The following ARGLU1 variants were observed in gnomAD, a reference collection of about 807,000 sequenced individuals.
ARGLU1 encodes the protein arginine and glutamate-rich protein 1.
Under a neutral mutation model 37.6 loss-of-function variants are expected in ARGLU1, and 9 were observed. That is an observed-to-expected ratio of 0.24 (90% CI 0.14 to 0.42). The LOEUF (loss-of-function observed/expected upper bound fraction) is 0.42, where lower values mean the gene tolerates loss of function less well. Among genes scored for constraint, ARGLU1 ranks in the 10% least tolerant of loss-of-function variants. The probability of loss-of-function intolerance (pLI) is 1.00; values close to 1 mark genes in which losing one functional copy is unlikely to be tolerated. For synonymous variants in ARGLU1, 166 were observed against 138.5 expected, an observed-to-expected ratio of 1.20 and a Z score of -1.39; for missense variants, 211 against 359.2, an observed-to-expected ratio of 0.59 and a Z score of 3.34.
intron 3 of ARGLU1, among the ~76,000 whole-genome samples, chr13:106,548,849 T>C (rs747525366): frequency 1.3e-5 from 2 of 152,136 alleles, no homozygotes; most frequent in Non-Finnish European, 2.9e-5. Flanking sequence ...CCCGGGTTCA[T>C]GCGATTCTCC....
Position 106,567,639 on chromosome 13 carries a change from C to A in ARGLU1, c.281G>T (p.Ser94Ile), listed in dbSNP as rs1464552464. The A allele has an allele frequency of 4.3e-6, 7 of 1,613,528 alleles. No individual in the cohort carries two copies. The African/African-American group carries it at 5.3e-5, about 12-fold the overall frequency. Reference sequence around the variant, plus strand: ...CTCTCGCTTCTGCTTCTCGTCCAGGCTGCTGCGCTTGCTCACCGTGCGCCC... The same window carrying A: ...CTCTCGCTTCTGCTTCTCGTCCAGGATGCTGCGCTTGCTCACCGTGCGCCC... The part of the protein sequence containing the change: ...IFGRTVSKRS[S>I]LDEKQKREEE... The change falls in exon 1 of 4, where the codon AGC becomes ATC. Residue 94 changes from serine (S) to isoleucine (I), a missense_variant. Around this residue, in one of 3 missense-constraint regions of ARGLU1, gnomAD observed 130 missense variants for 179.8 expected, o/e 0.72. Coordinates refer to ENST00000400198, the MANE Select transcript of ARGLU1 (RefSeq NM_018011.4). The surrounding 1 kb of genome is among the most constrained non-coding windows in gnomAD (Gnocchi z 4.3).
rs146743524 is a variant in ARGLU1 at position 106,543,158 on chromosome 13, T to G, written c.*838A>C. ...AGCATAAAGTTGATATTTGTAAAAA[T>G]AGCCATTAAATACTAATTCACAAGT... On this transcript the variant is annotated 3_prime_UTR_variant, in exon 4 of 4. Transcript: ENST00000400198. 6 of 152,476 alleles carry G rather than the reference T, an allele frequency of 3.9e-5. No individual in the cohort carries two copies. The East Asian group carries it at 1.2e-3, about 29-fold the overall frequency. 9.4% of individuals were successfully genotyped at this position (152,476 alleles called of 1,614,324 possible).
At chr13:106,560,617 TTTC>T (rs1319454315) in intron 1 of ARGLU1, among the ~76,000 whole-genome samples, 2 of 152,228 alleles carry the variant, frequency 1.3e-5, no homozygotes, top group East Asian at 3.8e-4. Flanking sequence ...ATTTCATCCA[TTTC>T]TTAAGGTTAC....
Position 106,554,612 on chromosome 13 carries a change from C to T in ARGLU1, c.657+2436G>A, listed in dbSNP as rs374610086. On this transcript the variant is annotated intron_variant, in intron 3 of 3. Coordinates refer to ENST00000400198, the MANE Select transcript of ARGLU1 (RefSeq NM_018011.4). Reference sequence around the variant, plus strand: ...AAATAAAAAACTTTTCTTGGCCGGGCGCGGTAGCTCACGCCTGTAATCCCA... The same window carrying T: ...AAATAAAAAACTTTTCTTGGCCGGGTGCGGTAGCTCACGCCTGTAATCCCA... Among the ~76,000 whole-genome samples, 19 of 152,250 alleles carry T rather than the reference C, an allele frequency of 1.2e-4. No homozygotes were observed. In the East Asian group the frequency reaches 2.3e-3, roughly 19 times the overall value.
intron 3 of ARGLU1, among the ~76,000 whole-genome samples, chr13:106,549,759 C>A (rs538069239): frequency 1.3e-5 from 2 of 152,294 alleles, no homozygotes; most frequent in Non-Finnish European, 2.9e-5. Context: ...ATTTTTGAAA[C>A]TTCAACCTTA....
At chr13:106,546,706 T>A (rs1401477546) in intron 3 of ARGLU1, among the ~76,000 whole-genome samples, 1 of 152,184 alleles carries the variant, frequency 6.6e-6, no homozygotes, top group Non-Finnish European at 1.5e-5. Flanking sequence ...AATACTCAGA[T>A]TCACTTTCTT....
chr13:106,565,105 A>G (rs1209899718), intron 1 of ARGLU1, among the ~76,000 whole-genome samples: 1 of 152,238 alleles, frequency 6.6e-6, no homozygotes, highest in Non-Finnish European at 1.5e-5. Context: ...AATCAAAACA[A>G]AAAAGGCACC....
At chr13:106,566,954 T>C (rs891014710) in intron 1 of ARGLU1, among the ~76,000 whole-genome samples, 5 of 151,350 alleles carry the variant, frequency 3.3e-5, no homozygotes, top group Non-Finnish European at 4.4e-5. Flanking sequence ...TTTTAACATC[T>C]CAAGGAAGGG....
rs1324606488 is a variant in ARGLU1 at position 106,548,103 on chromosome 13, A to AAT, written c.658-3945_658-3944dup. Among the ~76,000 whole-genome samples the AAT allele has an allele frequency of 4.6e-5, 7 of 152,352 alleles. No individual in the cohort carries two copies. In the South Asian group the frequency reaches 1.4e-3, roughly 32 times the overall value. On this transcript the variant is annotated intron_variant, in intron 3 of 3. Coordinates refer to ENST00000400198, the MANE Select transcript of ARGLU1 (RefSeq NM_018011.4). The stretch of plus-strand genomic sequence containing the variant: ...AATGCAATGATTTAAAAATTAGTTG[A>AAT]ATATACTGTCTATATACAAATATTG...
chr13:106,544,213 T>G, intron 3 of ARGLU1, 53 bp from the exon 4 acceptor site: 8 of 1,443,860 alleles, frequency 5.5e-6, no homozygotes, highest in Non-Finnish European at 7.3e-6. Context: ...AATTATCATA[T>G]GTACCCCTGC....
chr13:106,564,486 G>A (rs1880904106), intron 1 of ARGLU1, among the ~76,000 whole-genome samples: 1 of 152,136 alleles, frequency 6.6e-6, no homozygotes, highest in Non-Finnish European at 1.5e-5. Flanking sequence ...AAACCCAATG[G>A]TTGATTCTTA....
intron 2 of ARGLU1, chr13:106,558,542 A>G: frequency 1.0e-6 from 1 of 985,420 alleles, no homozygotes; most frequent in Non-Finnish European, 1.2e-6. Flanking sequence ...GGTGACAGAC[A>G]CTCAGGGCTG....
At chr13:106,544,339 G>A (rs1209659911) in intron 3 of ARGLU1, among the ~76,000 whole-genome samples, 179 bp from the exon 4 acceptor site, 1 of 152,098 alleles carries the variant, frequency 6.6e-6, no homozygotes, top group East Asian at 1.9e-4. Context: ...TAGTTATGAG[G>A]TGACAACTTA....
chr13:106,558,427 A>G (rs933583137), intron 2 of ARGLU1: 2 of 985,328 alleles, frequency 2.0e-6, no homozygotes, highest in African/African-American at 3.5e-5. Flanking sequence ...AAAAATGACA[A>G]TGAGTCTTAA....
At chr13:106,566,661 T>C (rs1880971489) in intron 1 of ARGLU1, among the ~76,000 whole-genome samples, 1 of 152,218 alleles carries the variant, frequency 6.6e-6, no homozygotes, top group Admixed American at 6.5e-5. Flanking sequence ...TATCCACATC[T>C]ACTTTCATAG....
In ARGLU1 at chr13:106,557,258, C is replaced by A; in HGVS notation, c.574-127G>T. ...GGGTAGCTTTATAGCTACCTTCTGTCTGACAAATGATAAACTGTGCAGTCA... is the reference window on the plus strand; with the variant it reads ...GGGTAGCTTTATAGCTACCTTCTGTATGACAAATGATAAACTGTGCAGTCA... On this transcript the variant is annotated intron_variant, in intron 2 of 3. Transcript: ENST00000400198. The surrounding 1 kb of genome is among the most constrained non-coding windows in gnomAD (Gnocchi z 5.0). The A allele has an allele frequency of 1.2e-6, 1 of 833,940 alleles. No homozygotes were observed. Among genetic ancestry groups the A allele is most frequent in the Non-Finnish European group, 1.9e-6 (1 of 537,472 alleles). The allele number at this position is 833,940 out of a possible 1,614,324, so 51.7% of individuals were successfully genotyped here.
chr13:106,554,890 GAA>G (rs67223132), intron 3 of ARGLU1, among the ~76,000 whole-genome samples: 171 of 146,088 alleles, frequency 1.2e-3, no homozygotes, highest in East Asian at 5.4e-3. Flanking sequence ...ATCAAAAAAA[GAA>G]AAAAAAAAAA....
intron 1 of ARGLU1, among the ~76,000 whole-genome samples, chr13:106,563,323 A>G (rs1880867532): frequency 6.6e-6 from 1 of 152,194 alleles, no homozygotes; most frequent in Non-Finnish European, 1.5e-5. Context: ...TGAGGAAACT[A>G]AGAACAAGGA....
intron 3 of ARGLU1, among the ~76,000 whole-genome samples, chr13:106,556,079 G>A (rs1880655742): frequency 6.6e-6 from 1 of 151,440 alleles, no homozygotes; most frequent in Non-Finnish European, 1.5e-5. Context: ...TGGAATCCCA[G>A]AATAACTAAA....
Sources: allele counts gnomAD v4.1 joint callset (sites outside exome capture counted in the v4.1 genomes callset), GRCh38; gene constraint gnomAD v4.1.1; regional missense constraint gnomAD v4.1.1; non-coding constraint Gnocchi (gnomAD v3.1); transcripts MANE v1.5; gene names NCBI Gene and HGNC (gene_info 2026-07-23, HGNC 2026-07-21).